The following SYNE1 variants were observed in gnomAD, a reference collection of about 807,000 sequenced individuals.
The protein encoded by SYNE1 is nesprin-1.
SYNE1 carries 616 observed loss-of-function variants against 1,111.0 expected under a neutral mutation model. The ratio of observed to expected loss-of-function variants is 0.55; its 90% confidence interval spans 0.52 to 0.59. The LOEUF (loss-of-function observed/expected upper bound fraction) is 0.59, where lower values mean the gene tolerates loss of function less well. SYNE1 is among the 20% of genes least tolerant of loss of function. The probability of loss-of-function intolerance (pLI) is 0.00; values close to 1 mark genes in which losing one functional copy is unlikely to be tolerated. For synonymous variants in SYNE1, 3,855 were observed against 3,825.8 expected, an observed-to-expected ratio of 1.01 and a Z score of -0.28; for missense variants, 10,006 against 10,417.0, an observed-to-expected ratio of 0.96 and a Z score of 1.72.
At chr6:152,259,666 C>T (rs1054395126) in intron 101 of SYNE1, among the ~76,000 whole-genome samples, 13 of 152,086 alleles carry the variant, frequency 8.5e-5, no homozygotes, top group African/African-American at 1.7e-4. Flanking sequence ...CTCACCACAA[C>T]GTTGTTAGCG....
chr6:152,541,138 T>A (rs958889100), intron 3 of SYNE1, among the ~76,000 whole-genome samples: 5 of 152,202 alleles, frequency 3.3e-5, no homozygotes, highest in African/African-American at 1.2e-4. Flanking sequence ...GGATAGGCTT[T>A]AATTAGAGGT....
At chr6:152,364,817 TC>T in intron 63 of SYNE1, 29 bp downstream of exon 63, 16 of 1,613,974 alleles carry the variant, frequency 9.9e-6, no homozygotes, top group African/African-American at 1.3e-5. Flanking sequence ...AGTAATAGCT[TC>T]CCCAGTGCTT....
rs61729925 is a variant in SYNE1 at position 152,236,934 on chromosome 6, C to T, written c.20082G>A (p.Leu6694=). The T allele has an allele frequency of 5.6e-6, 9 of 1,614,008 alleles. No individual in the cohort carries two copies. Among genetic ancestry groups the T allele is most frequent in the Non-Finnish European group, 6.8e-6 (8 of 1,179,990 alleles). The stretch of plus-strand genomic sequence containing the variant: ...TGCTGAGCTCCTGCTGGTCCTCATC[C>T]AGATGGGACCACGTCTAGAAACACA... ...LEYILETWSH[L]DEDQQELSRQ... Residue 6694 remains leucine (L), a synonymous_variant, in exon 109 of 146, where the codon CTG becomes CTA. Coordinates refer to ENST00000367255, the MANE Select transcript of SYNE1 (RefSeq NM_182961.4).
In SYNE1 at chr6:152,456,069, CAAT is replaced by C. The variant is rs1204835646; in HGVS notation, c.2569-28_2569-26del. On this transcript the variant is annotated intron_variant, in intron 22 of 145. Coordinates refer to ENST00000367255, the MANE Select transcript of SYNE1 (RefSeq NM_182961.4). Reference sequence around the variant, plus strand: ...CCTATAACGAAATGAAACCCCACAACAATGTTATTTACAAGACAGAGTGAGAGA... The same window carrying C: ...CCTATAACGAAATGAAACCCCACAACGTTATTTACAAGACAGAGTGAGAGA... The C allele has an allele frequency of 1.9e-5, 31 of 1,608,216 alleles. No individual in the cohort carries two copies. The Admixed American group carries it at 3.0e-4, about 16-fold the overall frequency.
intron 33 of SYNE1, 65 bp downstream of exon 33, chr6:152,435,876 G>A (rs760977172): frequency 1.9e-6 from 3 of 1,577,632 alleles, no homozygotes; most frequent in Non-Finnish European, 2.6e-6. Context: ...TGAATACAAG[G>A]TACAGGAAAG....
At chr6:152,399,189 G>A (rs7742641) in intron 48 of SYNE1, among the ~76,000 whole-genome samples, 22,335 of 152,030 alleles carry the variant, frequency 0.15, 1,780 homozygotes, top group East Asian at 0.35. Context: ...CACAGGATGG[G>A]CAATTTCCTG....
chr6:152,130,379 C>T (rs1027346012), intron 145 of SYNE1, among the ~76,000 whole-genome samples: 1 of 152,070 alleles, frequency 6.6e-6, no homozygotes, highest in African/African-American at 2.4e-5. Context: ...ATTGTAAACT[C>T]TAGAAATAAA....
intron 4 of SYNE1, among the ~76,000 whole-genome samples, chr6:152,535,726 C>T (rs1004610259): frequency 6.6e-6 from 1 of 152,116 alleles, no homozygotes; most frequent in Non-Finnish European, 1.5e-5. Context: ...ATTGCTTATA[C>T]ATGCCTAATT....
intron 87 of SYNE1, chr6:152,316,616 G>C: frequency 1.9e-6 from 1 of 538,922 alleles, no homozygotes; most frequent in South Asian, 2.1e-5. Context: ...TTTGGGTCTT[G>C]GTGTAAGGTA....
intron 6 of SYNE1, among the ~76,000 whole-genome samples, chr6:152,516,047 C>A (rs193204849): frequency 2.6e-5 from 4 of 152,066 alleles, no homozygotes; most frequent in Non-Finnish European, 4.4e-5. Flanking sequence ...AGATCAAAGA[C>A]AAATTTCTAA....
At chr6:152,165,999 G>T (rs1024972885) in intron 130 of SYNE1, among the ~76,000 whole-genome samples, 23 of 152,314 alleles carry the variant, frequency 1.5e-4, no homozygotes, top group African/African-American at 5.5e-4. Flanking sequence ...GCACAGAGAG[G>T]TCCGTCCTGC....
intron 129 of SYNE1, among the ~76,000 whole-genome samples, chr6:152,177,834 A>AT (rs2066865617): frequency 6.6e-6 from 1 of 152,236 alleles, no homozygotes; most frequent in African/African-American, 2.4e-5. Context: ...ATTGTCTTTA[A>AT]AATCAAACTG....
Position 152,239,256 on chromosome 6 carries a change from C to G in SYNE1, c.20067+277G>C, listed in dbSNP as rs114010717. Among the ~76,000 whole-genome samples, 446 of 152,152 alleles carry G rather than the reference C, an allele frequency of 2.9e-3. 1 individual carries two copies. Among genetic ancestry groups the G allele is most frequent in the African/African-American group, 9.9e-3 (412 of 41,520 alleles). On this transcript the variant is annotated intron_variant, in intron 108 of 145. Coordinates refer to ENST00000367255, the MANE Select transcript of SYNE1 (RefSeq NM_182961.4). ...TCATACTCTTAAGTAAGCTATCAGT[C>G]TGAATATCAAAACCCCAAATATCTT...
rs140058373 is a variant in SYNE1, at chr6:152,178,308, A to G, written c.23461-1748T>C. Among the ~76,000 whole-genome samples the G allele has an allele frequency of 9.1e-3, 1,382 of 152,306 alleles. 22 individuals are homozygous for G. Among genetic ancestry groups the G allele is most frequent in the African/African-American group, 0.031 (1,294 of 41,558 alleles). On this transcript the variant is annotated intron_variant, in intron 129 of 145. Coordinates refer to ENST00000367255, the MANE Select transcript of SYNE1 (RefSeq NM_182961.4). The stretch of plus-strand genomic sequence containing the variant: ...TTTATTCTATAGCAAATTTTACTCT[A>G]CTACCTATAGTGCATGAATCACGCA...
chr6:152,489,585 C>G (rs1242459298), intron 11 of SYNE1, among the ~76,000 whole-genome samples: 1 of 151,086 alleles, frequency 6.6e-6, no homozygotes, highest in African/African-American at 2.4e-5. Flanking sequence ...TGTAGCATGT[C>G]CAGTACAGAG....
chr6:152,262,080 G>T lies in SYNE1; in HGVS notation c.18924C>A (p.Thr6308=). The stretch of plus-strand genomic sequence containing the variant: ...GAACATTCTGTAGTAGTTTCTGCTT[G>T]GTACTAAATTCTTGATGTAGGCTTT... ...KWESLHQEFS[T]KQKLLQNVLE... The change falls in exon 101 of 146, where the codon ACC becomes ACA. Residue 6308 remains threonine (T), a synonymous_variant. Transcript: ENST00000367255. The T allele has an allele frequency of 6.2e-7, 1 of 1,613,674 alleles. No individual in the cohort carries two copies. The highest frequency in any genetic ancestry group is 8.5e-7 in the Non-Finnish European group (1 of 1,179,910).
rs759356595 is a variant in SYNE1, at chr6:152,398,768, A to G, written c.7238-37T>C. The G allele has an allele frequency of 3.2e-6, 5 of 1,545,872 alleles. No homozygotes were observed. In the East Asian group the frequency reaches 1.2e-4, roughly 36 times the overall value. On this transcript the variant is annotated intron_variant, in intron 48 of 145. Coordinates refer to ENST00000367255, the MANE Select transcript of SYNE1 (RefSeq NM_182961.4). ...AAAAATAAATAAATAAAAATAAAAA[A>G]TCAGAAGCAAATCCAAAACATTGAA...
At chr6:152,347,682 C>CTTT (rs11451810) in intron 72 of SYNE1, among the ~76,000 whole-genome samples, 1 of 138,996 alleles carries the variant, frequency 7.2e-6, no homozygotes, top group Non-Finnish European at 1.5e-5. Flanking sequence ...TTTTGTCATT[C>CTTT]TTTTTTTTTT....
chr6:152,615,513 T>C (rs2099643529), intron 3 of SYNE1, among the ~76,000 whole-genome samples: 2 of 152,134 alleles, frequency 1.3e-5, no homozygotes, highest in Non-Finnish European at 2.9e-5. Context: ...TCTTTGATTA[T>C]TATTATGGTG....
Sources: allele counts gnomAD v4.1 joint callset (sites outside exome capture counted in the v4.1 genomes callset), GRCh38; gene constraint gnomAD v4.1.1; transcripts MANE v1.5; gene names NCBI Gene and HGNC (gene_info 2026-07-23, HGNC 2026-07-21).